Variants in TNIK observed in about 807,000 individuals in gnomAD.
TNIK encodes the protein TRAF2 and NCK-interacting protein kinase.
A neutral mutation model predicts 191.3 loss-of-function variants in TNIK; 49 were observed. The ratio of observed to expected loss-of-function variants is 0.26; its 90% CI spans 0.20 to 0.32. The LOEUF (loss-of-function observed/expected upper bound fraction) is 0.32. Ranked by LOEUF, TNIK falls within the 10% of genes least tolerant of loss-of-function variation. The pLI, the probability that TNIK is intolerant of heterozygous loss-of-function variation, is 1.00. For synonymous variants in TNIK, 594 were observed against 600.9 expected (o/e 0.99, Z 0.17); for missense variants, 1,155 against 1,702.3 (o/e 0.68, Z 5.66).
At chr3:171,125,035 T>C (rs1728281732) in intron 17 of TNIK, among the ~76,000 whole-genome samples, 1 of 152,220 alleles carries the variant, frequency 6.6e-6, no homozygotes, top group Non-Finnish European at 1.5e-5. Context: ...TATAATATCC[T>C]TTTAAGAGGA....
chr3:171,124,136 CAG>C (rs1728155827), intron 17 of TNIK, among the ~76,000 whole-genome samples: 1 of 152,166 alleles, frequency 6.6e-6, no homozygotes, highest in Non-Finnish European at 1.5e-5. Context: ...TCACAATAAA[CAG>C]ATAAGGAAAT....
intron 1 of TNIK, among the ~76,000 whole-genome samples, chr3:171,404,997 C>CTTTGAA (rs1721476042): frequency 6.6e-6 from 1 of 152,174 alleles, no homozygotes; most frequent in African/African-American, 2.4e-5. Context: ...CAAAATGGTA[C>CTTTGAA]ACTTTGAAAA....
At chr3:171,188,853 A>T in intron 6 of TNIK, 21 bp from the exon 7 acceptor site, 1 of 1,611,636 alleles carries the variant, frequency 6.2e-7, no homozygotes, top group South Asian at 1.1e-5. Flanking sequence ...AAAGACAAGT[A>T]AATAAAGTCT....
At chr3:171,087,528 G>A (rs774902042) in intron 23 of TNIK, 22 bp from the exon 24 acceptor site, 9 of 1,608,898 alleles carry the variant, frequency 5.6e-6, no homozygotes, top group South Asian at 1.1e-5. Flanking sequence ...CAGCACGTGG[G>A]AGGAGTTAGA....
intron 1 of TNIK, among the ~76,000 whole-genome samples, chr3:171,400,731 A>G (rs926107543): frequency 6.6e-6 from 1 of 152,216 alleles, no homozygotes; most frequent in Non-Finnish European, 1.5e-5. Flanking sequence ...CACTTAACAC[A>G]TGAAAGAAAT....
intron 2 of TNIK, among the ~76,000 whole-genome samples, chr3:171,305,709 A>T (rs1280573087): frequency 6.6e-6 from 1 of 152,212 alleles, no homozygotes; most frequent in African/African-American, 2.4e-5. Context: ...AAAAGTAAAA[A>T]ATTAACAGAT....
intron 14 of TNIK, among the ~76,000 whole-genome samples, chr3:171,139,238 A>G (rs754877809): frequency 2.0e-5 from 3 of 152,374 alleles, no homozygotes; most frequent in South Asian, 2.1e-4. Context: ...TAAAGAATGC[A>G]TAACAACTGT....
intron 18 of TNIK, among the ~76,000 whole-genome samples, chr3:171,118,326 A>G (rs1294759578): frequency 2.6e-5 from 4 of 152,254 alleles, no homozygotes; most frequent in African/African-American, 7.2e-5. Flanking sequence ...ATGCTCATGG[A>G]TAGGAAGAAT....
At chr3:171,279,880 T>A (rs149874330) in intron 2 of TNIK, among the ~76,000 whole-genome samples, 2 of 152,278 alleles carry the variant, frequency 1.3e-5, no homozygotes, top group Admixed American at 1.3e-4. Flanking sequence ...TTCAAACACA[T>A]GTAGTCTGGT....
chr3:171,304,654 T>A (rs1244641754), intron 2 of TNIK, among the ~76,000 whole-genome samples: 33 of 152,104 alleles, frequency 2.2e-4, no homozygotes, highest in Admixed American at 2.2e-3. Context: ...ATGTGGCACA[T>A]ATACACCATG....
intron 2 of TNIK, among the ~76,000 whole-genome samples, chr3:171,307,114 G>A (rs574059214): frequency 1.8e-4 from 28 of 152,172 alleles, no homozygotes; most frequent in African/African-American, 9.6e-5. Context: ...ATACCAAATC[G>A]TCCTTCACAT....
At chr3:171,149,718 A>G (rs542664039) in intron 12 of TNIK, among the ~76,000 whole-genome samples, 1 of 152,348 alleles carries the variant, frequency 6.6e-6, no homozygotes, top group South Asian at 2.1e-4. Context: ...TGTCCTGGAC[A>G]ATGAGCATCT....
intron 2 of TNIK, among the ~76,000 whole-genome samples, chr3:171,321,011 A>C (rs1001444880): frequency 1.2e-4 from 19 of 152,228 alleles, no homozygotes; most frequent in Admixed American, 9.2e-4. Context: ...GTGGAAGACC[A>C]GTAGCTCAGA....
At chr3:171,267,620 G>A (rs1293668036) in intron 2 of TNIK, among the ~76,000 whole-genome samples, 1 of 152,138 alleles carries the variant, frequency 6.6e-6, no homozygotes, top group Non-Finnish European at 1.5e-5. Context: ...ATACTTATAT[G>A]GAAATCAGCC....
chr3:171,063,992 C>A, intron 32 of TNIK, 28 bp from the exon 33 acceptor site: 2 of 1,603,804 alleles, frequency 1.2e-6, no homozygotes, highest in South Asian at 2.2e-5. Flanking sequence ...GAAGTTAGTT[C>A]AACTGCATGG....
At chr3:171,378,509 A>G (rs907617140) in intron 1 of TNIK, among the ~76,000 whole-genome samples, 1 of 152,230 alleles carries the variant, frequency 6.6e-6, no homozygotes, top group African/African-American at 2.4e-5. Context: ...GTTCGCTAAA[A>G]ATTCTTTACT....
At chr3:171,341,033 G>T (rs1282764909) in intron 2 of TNIK, among the ~76,000 whole-genome samples, 1 of 152,132 alleles carries the variant, frequency 6.6e-6, no homozygotes, top group Admixed American at 6.5e-5. Flanking sequence ...ATATTCATTG[G>T]AAAATATATA....
chr3:171,217,876 T>C (rs145954878), intron 3 of TNIK, among the ~76,000 whole-genome samples: 1 of 152,264 alleles, frequency 6.6e-6, no homozygotes, highest in African/African-American at 2.4e-5. Context: ...GTGATTGGGA[T>C]AGAAACATTT....
intron 2 of TNIK, among the ~76,000 whole-genome samples, chr3:171,361,210 C>A (rs957096656): frequency 2.9e-4 from 44 of 152,100 alleles, no homozygotes; most frequent in African/African-American, 1.1e-3. Flanking sequence ...ATCAGACAAA[C>A]CAAAATCAAA....
Sources: gnomAD v4.1 joint callset for allele counts (sites outside exome capture counted in the v4.1 genomes callset) on GRCh38, gnomAD v4.1.1 for gene constraint, MANE v1.5 for transcripts, NCBI Gene and HGNC (gene_info 2026-07-23, HGNC 2026-07-21) for gene names.